The following LARS1 variants were observed in gnomAD, a reference collection of about 807,000 sequenced individuals.
The protein encoded by LARS1 is leucine--tRNA ligase, cytoplasmic.
A neutral mutation model predicts 162.8 loss-of-function variants in LARS1; 100 were observed. That is an observed-to-expected ratio of 0.61 (90% CI 0.52 to 0.73). The LOEUF is 0.73. Among genes scored for constraint, LARS1 ranks in the 30% least tolerant of loss-of-function variants. The pLI, the probability that LARS1 is intolerant of heterozygous loss-of-function variation, is 0.00. For synonymous variants in LARS1, 457 were observed against 462.8 expected (o/e 0.99, Z 0.16); for missense variants, 1,258 against 1,408.9 (o/e 0.89, Z 1.71).
chr5:146,144,594 A>C (rs762767324), intron 16 of LARS1, 30 bp downstream of exon 16: 1 of 1,612,408 alleles, frequency 6.2e-7, no homozygotes, highest in Admixed American at 1.7e-5. Flanking sequence ...CAAATTGACT[A>C]GGGGAATTTT....
Position 146,143,400 on chromosome 5 carries a change from C to A in LARS1, c.1877+12G>T. The stretch of plus-strand genomic sequence containing the variant: ...GACAAATTATGCTCCTTTCCCTTAT[C>A]TGTTTACCAACCTAATGCCCAGCGG... On this transcript the variant is annotated intron_variant, in intron 19 of 31. Coordinates refer to ENST00000394434, the MANE Select transcript of LARS1 (RefSeq NM_020117.11). The A allele has an allele frequency of 6.2e-6, 10 of 1,606,418 alleles. No individual in the cohort carries two copies. Among genetic ancestry groups the A allele is most frequent in the Non-Finnish European group, 8.5e-6 (10 of 1,175,254 alleles).
chr5:146,122,607 T>G lies in LARS1; in HGVS notation c.3097-20A>C. The G allele has an allele frequency of 7.0e-7, 1 of 1,421,352 alleles. No homozygotes were observed. Among genetic ancestry groups the G allele is most frequent in the Non-Finnish European group, 9.9e-7 (1 of 1,011,386 alleles). The allele number at this position is 1,421,352 out of a possible 1,614,324, so 88.0% of individuals were successfully genotyped here. A position where few individuals can be genotyped will look rare whatever the true frequency, so the allele number is the denominator to read the frequency against. ...TTCTAGCTAAACAGACGGGAAAAAA[T>G]GGAAGTTATTAGTATCACTTAATGT... On this transcript the variant is annotated intron_variant, in intron 29 of 31. Transcript: ENST00000394434.
At chr5:146,161,295 G>A (rs1029618310) in intron 6 of LARS1, among the ~76,000 whole-genome samples, 2 of 152,210 alleles carry the variant, frequency 1.3e-5, no homozygotes, top group Admixed American at 1.3e-4. Flanking sequence ...AGTGGCTACT[G>A]AAGGTTGTGA....
Position 146,120,422 on chromosome 5 carries a change from T to C in LARS1, c.3274A>G (p.Asn1092Asp). ...AAACGCCTGATTATGGAATCACAGTTATCTCCTTGCCTGATTTCAATTTTG... is the reference window on the plus strand; with the variant it reads ...AAACGCCTGATTATGGAATCACAGTCATCTCCTTGCCTGATTTCAATTTTG... ...STKIEIRQGD[N>D]CDSIIRRLMK... Residue 1092 changes from asparagine to aspartate, a missense_variant, in exon 31 of 32, where the codon AAC (asparagine) becomes GAC (aspartate). By Grantham distance (23) the Asn-to-Asp change is conservative (BLOSUM62 1). Transcript: ENST00000394434. 6.2e-7 allele frequency: 1 copy of C among 1,613,502 alleles called. No individual in the cohort carries two copies. Among genetic ancestry groups the C allele is most frequent in the East Asian group, 2.2e-5 (1 of 44,880 alleles).
chr5:146,118,150 A>C (rs1011715551), intron 31 of LARS1, among the ~76,000 whole-genome samples: 11 of 152,238 alleles, frequency 7.2e-5, no homozygotes, highest in Non-Finnish European at 1.2e-4. Context: ...GAAAAGAGAA[A>C]ATGTGGTAAA....
intron 21 of LARS1, among the ~76,000 whole-genome samples, chr5:146,139,895 AAATT>A (rs1241675271): frequency 6.6e-6 from 1 of 151,474 alleles, no homozygotes; most frequent in East Asian, 1.9e-4. Context: ...AAAAAAAAAA[AAATT>A]AATTTATGCC....
At chr5:146,130,289 GT>G (rs1191849375) in intron 24 of LARS1, 131 bp from the exon 25 acceptor site, 10 of 850,372 alleles carry the variant, frequency 1.2e-5, no homozygotes, top group South Asian at 6.6e-5. Flanking sequence ...ACAAATTACT[GT>G]AAAGGTTTTA....
chr5:146,126,134 G>C (rs557859469), intron 28 of LARS1, among the ~76,000 whole-genome samples: 19 of 152,146 alleles, frequency 1.2e-4, no homozygotes, highest in African/African-American at 4.1e-4. Flanking sequence ...GGAAATGCAA[G>C]CCTCTATAAG....
At chr5:146,138,584 CGA>C (rs1370749218) in intron 21 of LARS1, among the ~76,000 whole-genome samples, 1 of 151,536 alleles carries the variant, frequency 6.6e-6, no homozygotes, top group Non-Finnish European at 1.5e-5. Flanking sequence ...AAAAAGTAGC[CGA>C]GTGTGGTGAC....
At chr5:146,140,520 T>C (rs540012380) in intron 20 of LARS1, among the ~76,000 whole-genome samples, 1 of 152,276 alleles carries the variant, frequency 6.6e-6, no homozygotes, top group East Asian at 1.9e-4. Context: ...TAAAAATATA[T>C]GTGAAGGCTG....
rs34658033 is a variant in LARS1, at chr5:146,181,848, CTTTTTTTTTTTTTTTTT to C, written c.6+623_6+639del. Among the ~76,000 whole-genome samples, 270 of 53,048 alleles carry C rather than the reference CTTTTTTTTTTTTTTTTT, an allele frequency of 5.1e-3. 8 individuals are homozygous for C. The highest frequency in any genetic ancestry group is 0.017 in the African/African-American group (246 of 14,274). The allele number at this position is 53,048 out of a possible 152,430, so 34.8% of individuals were successfully genotyped here. On this transcript the variant is annotated intron_variant, in intron 1 of 31. Transcript: ENST00000394434. The stretch of plus-strand genomic sequence containing the variant: ...TTTACGGAGAGGCGCTCAATTTTTT[CTTTTTTTTTTTTTTTTT>C]TTTTTTTTTTTTTTGCTGTAAGTAG...
At position 146,124,062 on chromosome 5, in the gene LARS1, G is replaced by A. The variant is rs528168499; in HGVS notation, c.3016C>T (p.Arg1006Cys). Residue 1006 changes from arginine to cysteine, a missense_variant, in exon 29 of 32, where the codon CGT becomes TGT. Coordinates refer to ENST00000394434, the MANE Select transcript of LARS1 (RefSeq NM_020117.11). ...IKENLEKMGP[R>C]ILDLQLEFDE... ...AATTCTAATTGCAAATCCAGAATAC[G>A]AGGCCCCATCTTCTCCAGATTTTCC... 8 of 1,609,220 alleles carry A rather than the reference G, an allele frequency of 5.0e-6. No individual in the cohort carries two copies. Among genetic ancestry groups the A allele is most frequent in the East Asian group, 4.5e-5 (2 of 44,744 alleles).
chr5:146,174,238 T>C (rs1188075861), intron 2 of LARS1, among the ~76,000 whole-genome samples: 3 of 145,398 alleles, frequency 2.1e-5, no homozygotes, highest in East Asian at 4.0e-4. Context: ...TCACCTGAGG[T>C]TGGGATTTCA....
At chr5:146,142,528 C>A (rs545638329) in intron 20 of LARS1, among the ~76,000 whole-genome samples, 18 of 152,300 alleles carry the variant, frequency 1.2e-4, no homozygotes, top group African/African-American at 3.6e-4. Flanking sequence ...AATGTTACCA[C>A]AACTAATGCT....
At chr5:146,172,068 A>C (rs548629871) in intron 3 of LARS1, 78 bp from the exon 4 acceptor site, 1 of 1,317,856 alleles carries the variant, frequency 7.6e-7, no homozygotes, top group East Asian at 2.4e-5. Flanking sequence ...CACACAAAAA[A>C]ATTAGTTTTC....
rs1752705884 is a variant in LARS1, at chr5:146,140,113, T to A, written c.2148+91A>T. Reference sequence around the variant, plus strand: ...TGAGGCACCACACCTGGACACATTATTTCTTACATACATTTAAAAAAAAGT... The same window carrying A: ...TGAGGCACCACACCTGGACACATTAATTCTTACATACATTTAAAAAAAAGT... On this transcript the variant is annotated intron_variant, in intron 21 of 31. Transcript: ENST00000394434. 7 of 1,003,258 alleles carry A rather than the reference T, an allele frequency of 7.0e-6. No individual in the cohort carries two copies. In the East Asian group the frequency reaches 1.7e-4, roughly 25 times the overall value. 62.1% of individuals were successfully genotyped at this position (1,003,258 alleles called of 1,614,324 possible). A position where few individuals can be genotyped will look rare whatever the true frequency, so the allele number is the denominator to read the frequency against.
intron 14 of LARS1, among the ~76,000 whole-genome samples, chr5:146,150,911 C>A (rs948729581): frequency 1.4e-5 from 2 of 145,038 alleles, no homozygotes; most frequent in African/African-American, 5.2e-5. Flanking sequence ...CGCACTCCAG[C>A]CTGTGAGACA....
Position 146,153,736 on chromosome 5 carries a change from G to C in LARS1, c.1228C>G (p.Gln410Glu). The change falls in exon 12 of 32, where the codon CAA becomes GAA. Residue 410 changes from glutamine to glutamate, a missense_variant and splice_region_variant. By Grantham distance (29) the Gln-to-Glu change is conservative (BLOSUM62 2). Transcript: ENST00000394434. ...IAALRDLKKK[Q>E]ALRAKYGIRD... ...AAACATGAAACTCAGATACTTACTT[G>C]CTTTTTCTTCAAGTCTCTGAGGGCA... is the stretch of plus-strand genomic sequence containing the variant. The C allele has an allele frequency of 3.1e-6, 5 of 1,611,862 alleles. No homozygotes were observed. The highest frequency in any genetic ancestry group is 4.2e-6 in the Non-Finnish European group (5 of 1,177,974).
intron 2 of LARS1, among the ~76,000 whole-genome samples, chr5:146,176,367 G>A (rs1411495096): frequency 6.7e-6 from 1 of 149,072 alleles, no homozygotes; most frequent in African/African-American, 2.5e-5. Context: ...CAGGAGAATC[G>A]CTTTAACCAG....
Sources: allele counts gnomAD v4.1 joint callset (sites outside exome capture counted in the v4.1 genomes callset), GRCh38; gene constraint gnomAD v4.1.1; transcripts MANE v1.5; gene names NCBI Gene and HGNC (gene_info 2026-07-23, HGNC 2026-07-21).